The following THRB variants were observed in gnomAD, a reference collection of about 807,000 sequenced individuals.
THRB encodes the protein nuclear receptor subfamily 1 group A member 2.
A neutral mutation model predicts 47.8 loss-of-function variants in THRB; 12 were observed. That is an observed-to-expected ratio of 0.25 (90% CI 0.16 to 0.41). THRB has a LOEUF of 0.41. Among genes scored for constraint, THRB ranks in the 10% least tolerant of loss-of-function variants. THRB has a pLI of 1.00. For synonymous variants in THRB, 218 were observed against 212.2 expected (o/e 1.03, Z -0.24); for missense variants, 348 against 589.2 (o/e 0.59, Z 4.24).
chr3:24,288,597 C>T (rs548363923), intron 3 of THRB, among the ~76,000 whole-genome samples: 3 of 152,132 alleles, frequency 2.0e-5, no homozygotes, highest in African/African-American at 4.8e-5. Context: ...ATGTTTTTAC[C>T]GTGTTCCCAG....
rs530568863 is a variant in THRB, at chr3:24,185,599, G to C, written c.283+4475C>G. On this transcript the variant is annotated intron_variant, in intron 5 of 10. Transcript: ENST00000646209. Reference sequence around the variant, plus strand: ...ACAGAGACATTTCTGTGAGATCACTGATGGCTGCTCTCCTTTTTCTGAGTC... The same window carrying C: ...ACAGAGACATTTCTGTGAGATCACTCATGGCTGCTCTCCTTTTTCTGAGTC... Among the ~76,000 whole-genome samples, 26 of 152,280 alleles carry C rather than the reference G, an allele frequency of 1.7e-4. 1 individual carries two copies. The South Asian group carries it at 5.4e-3, about 32-fold the overall frequency.
intron 3 of THRB, among the ~76,000 whole-genome samples, chr3:24,276,358 A>G (rs1410145282): frequency 6.6e-6 from 1 of 152,216 alleles, no homozygotes; most frequent in Admixed American, 6.5e-5. Context: ...TGCATTCACC[A>G]AACATTTATT....
At chr3:24,444,361 A>G (rs1453680878) in intron 1 of THRB, among the ~76,000 whole-genome samples, 1 of 152,192 alleles carries the variant, frequency 6.6e-6, no homozygotes, top group Non-Finnish European at 1.5e-5. Flanking sequence ...TAGCTTTCAT[A>G]TAACAGTAAC....
intron 3 of THRB, among the ~76,000 whole-genome samples, chr3:24,284,344 T>A (rs1261513286): frequency 2.6e-5 from 4 of 151,326 alleles, no homozygotes; most frequent in Non-Finnish European, 5.9e-5. Context: ...GATTCCCTAT[T>A]TAATCAATGG....
intron 1 of THRB, among the ~76,000 whole-genome samples, chr3:24,485,779 CT>C (rs1165642335): frequency 2.0e-5 from 3 of 152,204 alleles, no homozygotes; most frequent in Non-Finnish European, 4.4e-5. Context: ...CCTCCCACCC[CT>C]ATGGGTTCCC....
intron 3 of THRB, among the ~76,000 whole-genome samples, chr3:24,280,863 G>C (rs1252065909): frequency 6.6e-6 from 1 of 152,124 alleles, no homozygotes; most frequent in African/African-American, 2.4e-5. Context: ...TGAATGAAAT[G>C]AAGCGAGAAG....
intron 2 of THRB, among the ~76,000 whole-genome samples, chr3:24,330,100 T>A (rs1490348751): frequency 3.3e-5 from 5 of 151,720 alleles, no homozygotes; most frequent in Non-Finnish European, 7.4e-5. Flanking sequence ...GGTCAGGAGA[T>A]CGAGACCATC....
In THRB at chr3:24,120,297, A is replaced by G. The variant is rs1478933769; in HGVS notation, c.*2587T>C. On this transcript the variant is annotated 3_prime_UTR_variant, in exon 11 of 11. Transcript: ENST00000646209. ...AGATTTCCAGACCAGCAGTTTGCCTATTGAAGGCAATCAATCATTTAAGGT... is the reference window on the plus strand; with the variant it reads ...AGATTTCCAGACCAGCAGTTTGCCTGTTGAAGGCAATCAATCATTTAAGGT... 6.6e-6 allele frequency: 1 copy of G among 152,164 alleles called. No individual in the cohort carries two copies. Among genetic ancestry groups the G allele is most frequent in the Admixed American group, 6.5e-5 (1 of 15,282 alleles). The allele number at this position is 152,164 out of a possible 1,614,324, so 9.4% of individuals were successfully genotyped here. A position where few individuals can be genotyped will look rare whatever the true frequency, so the allele number is the denominator to read the frequency against.
In THRB at chr3:24,406,235, T is replaced by C. The variant is rs189590273; in HGVS notation, c.-260-68864A>G. 6.3e-3 allele frequency among the ~76,000 whole-genome samples: 963 copies of C among 151,828 alleles called. 7 individuals carry two copies. The highest frequency in any genetic ancestry group is 7.7e-3 in the Non-Finnish European group (523 of 67,802). On this transcript the variant is annotated intron_variant, in intron 1 of 10. Transcript: ENST00000646209. ...ATTTATATTCCTTCTTATTTCTCAT[T>C]TTGAAATATATAGAGAATTTTATAA...
At chr3:24,287,215 G>C (rs923413730) in intron 3 of THRB, among the ~76,000 whole-genome samples, 1 of 151,898 alleles carries the variant, frequency 6.6e-6, no homozygotes, top group Admixed American at 6.6e-5. Flanking sequence ...CCTACCCAGC[G>C]CCTTCAGCTT....
intron 2 of THRB, among the ~76,000 whole-genome samples, chr3:24,302,933 A>G (rs55918441): frequency 0.41 from 62,140 of 152,100 alleles, 13,166 homozygotes; most frequent in East Asian, 0.57. Flanking sequence ...ATTTTTCTAC[A>G]TTTATTTTTT....
At chr3:24,378,078 G>A (rs1316929982) in intron 1 of THRB, among the ~76,000 whole-genome samples, 1 of 152,084 alleles carries the variant, frequency 6.6e-6, no homozygotes, top group Non-Finnish European at 1.5e-5. Context: ...TTATCCTCCA[G>A]TAATTTGGGC....
At position 24,119,529 on chromosome 3, in the gene THRB, G is replaced by C. The variant is rs1381510829; in HGVS notation, c.*3355C>G. Reference sequence around the variant, plus strand: ...GCGGTTCCTTGGAGGCTGAGTCTGTGGGGGGCTTAGTGTCGAGGAGGGGCC... The same window carrying C: ...GCGGTTCCTTGGAGGCTGAGTCTGTCGGGGGCTTAGTGTCGAGGAGGGGCC... On this transcript the variant is annotated 3_prime_UTR_variant, in exon 11 of 11. Coordinates refer to ENST00000646209, the MANE Select transcript of THRB (RefSeq NM_001354712.2). 2 of 152,354 alleles carry C rather than the reference G, an allele frequency of 1.3e-5. No homozygotes were observed. Among genetic ancestry groups the C allele is most frequent in the Non-Finnish European group, 2.9e-5 (2 of 68,230 alleles). The allele number at this position is 152,354 out of a possible 1,614,324, so 9.4% of individuals were successfully genotyped here. A position where few individuals can be genotyped will look rare whatever the true frequency, so the allele number is the denominator to read the frequency against.
chr3:24,138,376 C>G (rs1226519134), intron 8 of THRB, among the ~76,000 whole-genome samples: 1 of 151,508 alleles, frequency 6.6e-6, no homozygotes, highest in Non-Finnish European at 1.5e-5. Flanking sequence ...CTGGGATGAG[C>G]AGGAATAAGA....
intron 1 of THRB, among the ~76,000 whole-genome samples, chr3:24,453,366 G>C (rs2072857543): frequency 6.6e-6 from 1 of 152,192 alleles, no homozygotes; most frequent in Non-Finnish European, 1.5e-5. Context: ...CATACAGCTA[G>C]TAAGAGAGGA....
chr3:24,208,503 A>G (rs1015517444), intron 4 of THRB, among the ~76,000 whole-genome samples: 1 of 152,210 alleles, frequency 6.6e-6, no homozygotes, highest in African/African-American at 2.4e-5. Context: ...AAACAGAGAT[A>G]TAGACCAATG....
intron 1 of THRB, among the ~76,000 whole-genome samples, chr3:24,449,061 A>C (rs1281532107): frequency 2.0e-5 from 3 of 152,306 alleles, no homozygotes; most frequent in African/African-American, 7.2e-5. Flanking sequence ...TGACAGAGGG[A>C]GTGATGGGCA....
At position 24,326,437 on chromosome 3, in the gene THRB, T is replaced by C. The variant is rs1005866740; in HGVS notation, c.-189+10863A>G. ...TTGTAGTAGAGATGGGGTTTCACTA[T>C]GTTGGCCAGGCTGGTCTTGAACTCC... is the stretch of plus-strand genomic sequence containing the variant. On this transcript the variant is annotated intron_variant, in intron 2 of 10. Coordinates refer to ENST00000646209, the MANE Select transcript of THRB (RefSeq NM_001354712.2). 3.3e-5 allele frequency among the ~76,000 whole-genome samples: 5 copies of C among 152,102 alleles called. No homozygotes were observed. In the South Asian group the frequency reaches 1.0e-3, roughly 32 times the overall value.
At chr3:24,167,902 T>C (rs1164610494) in intron 5 of THRB, among the ~76,000 whole-genome samples, 1 of 152,142 alleles carries the variant, frequency 6.6e-6, no homozygotes, top group East Asian at 1.9e-4. Context: ...TGGATATAAA[T>C]ACTGCAGTGA....
Sources: allele counts gnomAD v4.1 joint callset (sites outside exome capture counted in the v4.1 genomes callset), GRCh38; gene constraint gnomAD v4.1.1; transcripts MANE v1.5; gene names NCBI Gene and HGNC (gene_info 2026-07-23, HGNC 2026-07-21).